Variants in IGSF6 observed in about 807,000 individuals in gnomAD.
The protein encoded by IGSF6 is immunoglobulin superfamily member 6, also known as down-regulated by activation (immunoglobulin superfamily).
A neutral mutation model predicts 24.7 loss-of-function variants in IGSF6; 23 were observed. The ratio of observed to expected loss-of-function variants is 0.93; its 90% CI spans 0.67 to 1.32. The LOEUF (loss-of-function observed/expected upper bound fraction) is 1.32, where lower values mean the gene tolerates loss of function less well. Ranked by LOEUF, IGSF6 falls within the 40% of genes most tolerant of loss-of-function variation. IGSF6 has a pLI of 0.00. For synonymous variants in IGSF6, 110 were observed against 113.7 expected, an observed-to-expected ratio of 0.97 and a Z score of 0.21; for missense variants, 295 against 293.6, an observed-to-expected ratio of 1.00 and a Z score of -0.04.
chr16:21,649,394 C>T (rs1184126125), intron 1 of IGSF6, among the ~76,000 whole-genome samples: 5 of 152,116 alleles, frequency 3.3e-5, no homozygotes, highest in Non-Finnish European at 7.4e-5. Context: ...GGTGCAGTCA[C>T]CTGGAGGAGG....
chr16:21,650,431 G>A (rs556187872), intron 1 of IGSF6, among the ~76,000 whole-genome samples: 1 of 149,590 alleles, frequency 6.7e-6, no homozygotes, highest in African/African-American at 2.5e-5. Flanking sequence ...TCGCTTGAAC[G>A]TAGGAGGTGG....
At chr16:21,641,623 T>G in intron 5 of IGSF6, 30 bp from the exon 6 acceptor site, 1 of 1,443,934 alleles carries the variant, frequency 6.9e-7, no homozygotes. Flanking sequence ...GAAAGCCATG[T>G]TTAAGGTTAT....
intron 1 of IGSF6, among the ~76,000 whole-genome samples, chr16:21,649,820 C>T (rs148511548): frequency 0.013 from 1,936 of 152,232 alleles, 20 homozygotes; most frequent in South Asian, 0.033. Context: ...GCAATCCTCT[C>T]ACTGCAGCCT....
chr16:21,644,824 A>G (rs1966383266), intron 2 of IGSF6, among the ~76,000 whole-genome samples: 1 of 152,184 alleles, frequency 6.6e-6, no homozygotes, highest in Non-Finnish European at 1.5e-5. Context: ...TAAGGGTGAT[A>G]TTTATAGCCT....
rs1158120030 is a variant in IGSF6 at position 21,644,324 on chromosome 16, G to A, written c.500C>T (p.Thr167Ile). 1 of 1,613,796 alleles carries A rather than the reference G, an allele frequency of 6.2e-7. No homozygotes were observed. The highest frequency in any genetic ancestry group is 8.5e-7 in the Non-Finnish European group (1 of 1,179,744). The stretch of plus-strand genomic sequence containing the variant: ...GAGTATGAAGGCCACGCACACACCG[G>A]TCACATAGACAGAGAGCAGTGATAC... ...ALVSLLSVYVTGVCVAFILLS... is the reference protein window; with the variant it reads ...ALVSLLSVYVIGVCVAFILLS... Residue 167 changes from threonine (T) to isoleucine (I), a missense_variant, in exon 3 of 6, where the codon ACC (threonine) becomes ATC (isoleucine). By Grantham distance (89) the Thr-to-Ile change is moderately conservative (BLOSUM62 -1). Transcript: ENST00000268389.
intron 3 of IGSF6, 77 bp downstream of exon 3, chr16:21,644,213 T>G (rs1966357926): frequency 9.4e-6 from 10 of 1,064,566 alleles, no homozygotes; most frequent in Non-Finnish European, 1.5e-5. Flanking sequence ...CCATAACTTG[T>G]GGAGAGATAG....
chr16:21,646,146 C>G (rs1357540882), intron 2 of IGSF6, among the ~76,000 whole-genome samples: 1 of 103,832 alleles, frequency 9.6e-6, no homozygotes, highest in East Asian at 2.5e-4. Flanking sequence ...AGCTTTTTCT[C>G]TGAAATTCCC....
At chr16:21,651,158 G>C (rs905817706) in intron 1 of IGSF6, among the ~76,000 whole-genome samples, 7 of 152,182 alleles carry the variant, frequency 4.6e-5, no homozygotes, top group Admixed American at 4.6e-4. Flanking sequence ...GGGAGGCGGA[G>C]CTTGCAGTGA....
intron 5 of IGSF6, 131 bp downstream of exon 5, chr16:21,642,943 C>G: frequency 1.7e-6 from 1 of 584,966 alleles, no homozygotes; most frequent in East Asian, 2.7e-5. Flanking sequence ...TATAAAAATA[C>G]ATTCTTGTGA....
chr16:21,652,341 A>G (rs148830088), intron 1 of IGSF6, 191 bp downstream of exon 1: 55 of 487,022 alleles, frequency 1.1e-4, no homozygotes, highest in African/African-American at 7.7e-4. Context: ...CAAGGTTAAT[A>G]TGAAACTTTT....
At position 21,640,897 on chromosome 16, in the gene IGSF6, T is replaced by C. The variant is rs533729416; in HGVS notation, c.*637A>G. ...GACATCTAGAGTCCGTTGTGGCTTATTTGTTCTGAAGTTACCTCTGTTTAA... is the reference window on the plus strand; with the variant it reads ...GACATCTAGAGTCCGTTGTGGCTTACTTGTTCTGAAGTTACCTCTGTTTAA... On this transcript the variant is annotated 3_prime_UTR_variant, in exon 6 of 6. Coordinates refer to ENST00000268389, the MANE Select transcript of IGSF6 (RefSeq NM_005849.4). 1 of 152,292 alleles carries C rather than the reference T, an allele frequency of 6.6e-6. No homozygotes were observed. The highest frequency in any genetic ancestry group is 6.5e-5 in the Admixed American group (1 of 15,294). The allele number at this position is 152,292 out of a possible 1,614,324, so 9.4% of individuals were successfully genotyped here.
At chr16:21,651,339 G>A (rs1966570507) in intron 1 of IGSF6, among the ~76,000 whole-genome samples, 1 of 152,146 alleles carries the variant, frequency 6.6e-6, no homozygotes, top group Admixed American at 6.5e-5. Flanking sequence ...CTGTTGCCCA[G>A]GCTGGAGTGC....
intron 4 of IGSF6, 27 bp from the exon 5 acceptor site, chr16:21,643,181 T>C (rs571721102): frequency 6.5e-7 from 1 of 1,533,834 alleles, no homozygotes; most frequent in Non-Finnish European, 9.0e-7. Context: ...GAAAAAAAAA[T>C]TCTCTTTTGG....
chr16:21,647,181 C>T lies in IGSF6; in HGVS notation c.379G>A (p.Glu127Lys). The stretch of plus-strand genomic sequence containing the variant: ...CCTCCTGTCTGTTTAGCTCTCGCTT[C>T]CGGCACACTGGGGAATGCTATTCCA... The part of the protein sequence containing the change: ...ICGIAFPSVP[E>K]ARAKQTGGGT... Residue 127 changes from glutamate (E) to lysine (K), a missense_variant, in exon 2 of 6, where the codon GAA becomes AAA. By Grantham distance (56) the Glu-to-Lys change is moderately conservative (BLOSUM62 1). Transcript: ENST00000268389. 6.2e-7 allele frequency: 1 copy of T among 1,614,166 alleles called. No individual in the cohort carries two copies. Among genetic ancestry groups the T allele is most frequent in the Non-Finnish European group, 8.5e-7 (1 of 1,180,008 alleles).
Position 21,647,481 on chromosome 16 carries a change from C to T in IGSF6, c.79G>A (p.Ala27Thr), listed in dbSNP as rs151150797. ...GGTTGTGTGACAGAGAGAGTACAGG[C>T]GCCCACAGCACCTGTGGGAGGAAGC... ...LILFCVGAVG[A>T]CTLSVTQPWY... is the part of the protein sequence containing the mutation. The change falls in exon 2 of 6, where the codon GCC (alanine) becomes ACC (threonine). Residue 27 changes from alanine to threonine, a missense_variant. Transcript: ENST00000268389. 155 of 1,610,256 alleles carry T rather than the reference C, an allele frequency of 9.6e-5. 2 individuals carry two copies. In the East Asian group the frequency reaches 2.2e-3, roughly 23 times the overall value.
At chr16:21,643,629 C>T (rs1966336683) in intron 3 of IGSF6, 31 bp from the exon 4 acceptor site, 1 of 1,476,688 alleles carries the variant, frequency 6.8e-7, no homozygotes, top group Non-Finnish European at 9.4e-7. Flanking sequence ...GTCTATGAAA[C>T]ATTTTATGTA....
rs1263760636 is a variant in IGSF6, at chr16:21,640,193, C to T, written c.*1341G>A. 2 of 152,172 alleles carry T rather than the reference C, an allele frequency of 1.3e-5. No individual in the cohort carries two copies. The highest frequency in any genetic ancestry group is 2.4e-5 in the African/African-American group (1 of 41,520). The allele number at this position is 152,172 out of a possible 1,614,324, so 9.4% of individuals were successfully genotyped here. A position where few individuals can be genotyped will look rare whatever the true frequency, so the allele number is the denominator to read the frequency against. On this transcript the variant is annotated 3_prime_UTR_variant, in exon 6 of 6. Coordinates refer to ENST00000268389, the MANE Select transcript of IGSF6 (RefSeq NM_005849.4). ...GATCTCATGATTCACCTGCCTCAGC[C>T]TCCCAAAGTGTTGGGATTACAGGCG...
chr16:21,645,662 C>T (rs1220829144), intron 2 of IGSF6, among the ~76,000 whole-genome samples: 1 of 152,198 alleles, frequency 6.6e-6, no homozygotes, highest in African/African-American at 2.4e-5. Context: ...TTCACTTTCA[C>T]TTCACTTTAT....
rs201381483 is a variant in IGSF6, at chr16:21,647,455, C to T, written c.105G>A (p.Pro35=). The T allele has an allele frequency of 3.7e-5, 60 of 1,613,916 alleles. 2 individuals are homozygous for T. The East Asian group carries it at 1.2e-3, about 32-fold the overall frequency. Reference sequence around the variant, plus strand: ...GAGTGTAGTCCACTTCTAGGTACCACGGTTGTGTGACAGAGAGAGTACAGG... The same window carrying T: ...GAGTGTAGTCCACTTCTAGGTACCATGGTTGTGTGACAGAGAGAGTACAGG... ...VGACTLSVTQ[P]WYLEVDYTHE... Residue 35 remains proline (P), a synonymous_variant, in exon 2 of 6, where the codon CCG becomes CCA. Transcript: ENST00000268389.
Sources: allele counts gnomAD v4.1 joint callset (sites outside exome capture counted in the v4.1 genomes callset), GRCh38; gene constraint gnomAD v4.1.1; transcripts MANE v1.5; gene names NCBI Gene and HGNC (gene_info 2026-07-23, HGNC 2026-07-21).